EYS: variants seen among roughly 807,000 people sequenced by gnomAD.
EYS encodes protein eyes shut homolog.
A neutral mutation model predicts 282.1 loss-of-function variants in EYS; 250 were observed. The observed-to-expected ratio is 0.89, with a 90% confidence interval of 0.80 to 0.98. The LOEUF is 0.98. Ranked by LOEUF, EYS falls within the 50% of genes least tolerant of loss-of-function variation. EYS has a pLI of 0.00. For missense variants in EYS, 4,016 were observed against 3,709.0 expected, an observed-to-expected ratio of 1.08 and a Z score of -2.15; for synonymous variants, 1,355 against 1,282.9, an observed-to-expected ratio of 1.06 and a Z score of -1.20.
At chr6:64,023,443 G>A (rs184033582) in intron 33 of EYS, among the ~76,000 whole-genome samples, 1 of 152,222 alleles carries the variant, frequency 6.6e-6, no homozygotes, top group Non-Finnish European at 1.5e-5. Flanking sequence ...CATTTGTAGT[G>A]TACCATTTTA....
At chr6:64,667,063 A>T (rs1195232246) in intron 22 of EYS, among the ~76,000 whole-genome samples, 1 of 152,000 alleles carries the variant, frequency 6.6e-6, no homozygotes, top group Non-Finnish European at 1.5e-5. Flanking sequence ...CACAGAAATC[A>T]AGAGGAGTTT....
intron 1 of EYS, among the ~76,000 whole-genome samples, chr6:65,698,216 C>T (rs536368635): frequency 2.6e-5 from 4 of 152,144 alleles, no homozygotes; most frequent in South Asian, 4.1e-4. Flanking sequence ...ATTTATCTTC[C>T]GTACATAGAT....
intron 40 of EYS, among the ~76,000 whole-genome samples, chr6:63,772,756 A>G (rs1188544786): frequency 2.0e-5 from 3 of 152,240 alleles, no homozygotes; most frequent in East Asian, 1.9e-4. Flanking sequence ...CCTGGTTCCA[A>G]ATAAAAACTG....
At position 64,885,544 on chromosome 6, in the gene EYS, A is replaced by ATG. The variant is rs1370338583; in HGVS notation, c.2992+1152_2992+1153insCA. Among the ~76,000 whole-genome samples, 4 of 151,940 alleles carry ATG rather than the reference A, an allele frequency of 2.6e-5. No homozygotes were observed. The East Asian group carries it at 7.7e-4, about 29-fold the overall frequency. ...TGGATATATATGGTTCTACATTGAT[A>ATG]GCTCAATAATTTTGAAGATAATGGG... is the stretch of plus-strand genomic sequence containing the variant. On this transcript the variant is annotated intron_variant, in intron 19 of 42. Coordinates refer to ENST00000503581, the MANE Select transcript of EYS (RefSeq NM_001142800.2).
intron 31 of EYS, among the ~76,000 whole-genome samples, chr6:64,193,694 CCT>C (rs1765188225): frequency 6.6e-6 from 1 of 151,988 alleles, no homozygotes; most frequent in Non-Finnish European, 1.5e-5. Flanking sequence ...TGTTCCCCAC[CCT>C]GTGTCCAAGT....
intron 26 of EYS, among the ~76,000 whole-genome samples, chr6:64,463,685 G>A (rs979622199): frequency 1.3e-5 from 2 of 152,114 alleles, no homozygotes; most frequent in African/African-American, 4.8e-5. Flanking sequence ...ATGTCACTAT[G>A]AATGTAAAGT....
At chr6:65,182,434 T>A (rs1765412614) in intron 12 of EYS, among the ~76,000 whole-genome samples, 1 of 151,648 alleles carries the variant, frequency 6.6e-6, no homozygotes, top group African/African-American at 2.4e-5. Context: ...AGTATATTTT[T>A]CTTAATGGTT....
rs550600669 is a variant in EYS, at chr6:64,445,477, T to G, written c.5645-6125A>C. Among the ~76,000 whole-genome samples, 4 of 152,208 alleles carry G rather than the reference T, an allele frequency of 2.6e-5. No homozygotes were observed. The South Asian group carries it at 8.3e-4, about 32-fold the overall frequency. On this transcript the variant is annotated intron_variant, in intron 26 of 42. Coordinates refer to ENST00000503581, the MANE Select transcript of EYS (RefSeq NM_001142800.2). ...TTATGATTATACCTATAATTTTGTA[T>G]GCTTTTGGTACAAATAACCAGAAAT...
intron 12 of EYS, among the ~76,000 whole-genome samples, chr6:65,105,525 C>T (rs114470177): frequency 0.022 from 3,319 of 151,868 alleles, 81 homozygotes; most frequent in African/African-American, 0.061. Context: ...TCTTCGACCA[C>T]GCATTTTACA....
Position 64,143,879 on chromosome 6 carries a change from T to A in EYS, c.6425-61877A>T, listed in dbSNP as rs1774426869. 1.3e-5 allele frequency among the ~76,000 whole-genome samples: 2 copies of A among 152,210 alleles called. 1 individual carries two copies. The highest frequency in any genetic ancestry group is 4.1e-4 in the South Asian group (2 of 4,832). ...ACATAAAGGATATTTATGATGAAGA[T>A]TTCTGTGTCATCTTTTTCTTTTGGA... On this transcript the variant is annotated intron_variant, in intron 31 of 42. Transcript: ENST00000503581.
At chr6:64,605,361 A>G (rs576824706) in intron 24 of EYS, among the ~76,000 whole-genome samples, 2 of 152,082 alleles carry the variant, frequency 1.3e-5, no homozygotes, top group African/African-American at 4.8e-5. Flanking sequence ...CCAAGTTCAT[A>G]TTGGAAATAC....
intron 33 of EYS, among the ~76,000 whole-genome samples, chr6:64,053,615 A>G (rs1770885148): frequency 6.6e-6 from 1 of 152,172 alleles, no homozygotes; most frequent in Non-Finnish European, 1.5e-5. Flanking sequence ...GGTGGATATT[A>G]GAAATAATAA....
At chr6:65,379,788 T>C (rs915109815) in intron 8 of EYS, among the ~76,000 whole-genome samples, 1 of 151,920 alleles carries the variant, frequency 6.6e-6, no homozygotes, top group Non-Finnish European at 1.5e-5. Flanking sequence ...ACAATATCAA[T>C]GTGCAAAAAT....
intron 2 of EYS, among the ~76,000 whole-genome samples, chr6:65,614,070 A>G (rs1562288840): frequency 6.6e-6 from 1 of 152,022 alleles, no homozygotes; most frequent in Non-Finnish European, 1.5e-5. Flanking sequence ...CACATGGGAT[A>G]TACAATACGA....
chr6:63,737,293 A>G lies in EYS; in HGVS notation c.8072-10613T>C, dbSNP rs982567212. 2.0e-4 allele frequency among the ~76,000 whole-genome samples: 30 copies of G among 152,282 alleles called. No individual in the cohort carries two copies. In the South Asian group the frequency reaches 2.5e-3, roughly 13 times the overall value. On this transcript the variant is annotated intron_variant, in intron 41 of 42. Transcript: ENST00000503581. ...ACCTAATTTATTGAGAGTTTTTAGC[A>G]TGAAGTGTTGTTGAATTTTGTCAAA...
At chr6:64,017,015 T>C (rs1000604346) in intron 33 of EYS, among the ~76,000 whole-genome samples, 1 of 151,958 alleles carries the variant, frequency 6.6e-6, no homozygotes, top group African/African-American at 2.4e-5. Flanking sequence ...ACTCCGCATG[T>C]CCTTGGTCTT....
In EYS at chr6:65,587,913, C is replaced by T. The variant is rs201980512; in HGVS notation, c.-333+51865G>A. Among the ~76,000 whole-genome samples the T allele has an allele frequency of 1.3e-4, 20 of 152,090 alleles. No individual in the cohort carries two copies. The East Asian group carries it at 1.9e-3, about 15-fold the overall frequency. ...AGTTCCAAGATTTGAAATTACTACG[C>T]TTTTATTATCAAAGTTAAAGATGGC... On this transcript the variant is annotated intron_variant, in intron 2 of 42. Coordinates refer to ENST00000503581, the MANE Select transcript of EYS (RefSeq NM_001142800.2).
chr6:64,763,895 G>A (rs2149980519), intron 22 of EYS, among the ~76,000 whole-genome samples: 1 of 152,258 alleles, frequency 6.6e-6, no homozygotes, highest in East Asian at 1.9e-4. Context: ...AAATATTAAA[G>A]GACCAAAATA....
intron 35 of EYS, among the ~76,000 whole-genome samples, chr6:63,909,698 G>C (rs868777214): frequency 1.3e-5 from 2 of 152,138 alleles, no homozygotes; most frequent in Non-Finnish European, 2.9e-5. Flanking sequence ...CTAACACGCC[G>C]CTTCCAGTTC....
Sources: allele counts gnomAD v4.1 joint callset (sites outside exome capture counted in the v4.1 genomes callset), GRCh38; gene constraint gnomAD v4.1.1; transcripts MANE v1.5; gene names NCBI Gene and HGNC (gene_info 2026-07-23, HGNC 2026-07-21).